Variants in RANBP10 observed in about 807,000 individuals in gnomAD.
RANBP10 encodes the protein ran-binding protein 10.
In RANBP10, 24 loss-of-function variants were observed where a neutral mutation model predicts 72.8. That is an observed-to-expected ratio of 0.33 (90% CI 0.24 to 0.46). The LOEUF (loss-of-function observed/expected upper bound fraction) is 0.46. Among genes scored for constraint, RANBP10 ranks in the 20% least tolerant of loss-of-function variants. The pLI is 1.00. For synonymous variants in RANBP10, 310 were observed against 322.3 expected (o/e 0.96, Z 0.41); for missense variants, 679 against 817.5 (o/e 0.83, Z 2.07).
chr16:67,740,203 C>T (rs560983655), intron 4 of RANBP10, among the ~76,000 whole-genome samples: 5 of 151,632 alleles, frequency 3.3e-5, no homozygotes, highest in African/African-American at 7.3e-5. Context: ...CCCGGGTTCA[C>T]GCCATTCTCC....
At chr16:67,748,391 C>T (rs2054129140) in intron 3 of RANBP10, among the ~76,000 whole-genome samples, 2 of 151,408 alleles carry the variant, frequency 1.3e-5, no homozygotes, top group African/African-American at 2.4e-5. Flanking sequence ...GGCGTGGTGG[C>T]GGGCGCCTGT....
intron 3 of RANBP10, among the ~76,000 whole-genome samples, chr16:67,768,064 C>CAA (rs555191487): frequency 1.1e-4 from 10 of 89,678 alleles, no homozygotes; most frequent in African/African-American, 2.3e-4. Context: ...GACCTTGTCT[C>CAA]AAAAAAAAAA....
chr16:67,806,416 G>A lies in RANBP10; in HGVS notation c.121C>T (p.Arg41Cys). The A allele has an allele frequency of 6.2e-7, 1 of 1,602,480 alleles. No individual in the cohort carries two copies. Among genetic ancestry groups the A allele is most frequent in the Non-Finnish European group, 8.5e-7 (1 of 1,175,250 alleles). Residue 41 changes from arginine (R) to cysteine (C), a missense_variant, in exon 1 of 14, where the codon CGC (arginine) becomes TGC (cysteine). By Grantham distance (180) the Arg-to-Cys change is radical. Coordinates refer to ENST00000317506, the MANE Select transcript of RANBP10 (RefSeq NM_020850.3). ...TGCTGGTTGACCGCGGGATACAGGC[G>A]CTGCAAGCGCCGGCTCAGCTCCTGC... ...GEQELSRRLQ[R>C]LYPAVNQQET...
At chr16:67,771,662 C>T (rs894024138) in intron 3 of RANBP10, among the ~76,000 whole-genome samples, 1 of 152,136 alleles carries the variant, frequency 6.6e-6, no homozygotes, top group Admixed American at 6.6e-5. Context: ...ATCTTTAACA[C>T]GATGAAGTAA....
intron 2 of RANBP10, among the ~76,000 whole-genome samples, chr16:67,802,521 C>T (rs1161632910): frequency 5.9e-5 from 9 of 152,224 alleles, no homozygotes; most frequent in Non-Finnish European, 1.0e-4. Context: ...GCCTGTAATC[C>T]CAGCTACTCG....
At chr16:67,737,954 G>A (rs2053887514) in intron 5 of RANBP10, 59 bp downstream of exon 5, 7 of 1,534,738 alleles carry the variant, frequency 4.6e-6, no homozygotes, top group Non-Finnish European at 6.2e-6. Context: ...GTACCACCGT[G>A]CCCCATCCCA....
At chr16:67,728,055 T>C (rs2053644512) in intron 11 of RANBP10, among the ~76,000 whole-genome samples, 159 bp from the exon 12 acceptor site, 1 of 152,214 alleles carries the variant, frequency 6.6e-6, no homozygotes, top group Non-Finnish European at 1.5e-5. Context: ...GGCGTTCTTC[T>C]CTTCATTCAC....
chr16:67,727,353 CA>C lies in RANBP10; in HGVS notation c.1705del (p.Cys569ValfsTer9). ...QLDPIQREPV[C>X]AALNSAILES... is the part of the protein sequence containing the mutation. ...TAAAATGGCGCTGTTGAGGGCAGCACACACAGGTTCCCTCTGGATGGGGTCA... is the reference window on the plus strand; with the variant it reads ...TAAAATGGCGCTGTTGAGGGCAGCACCACAGGTTCCCTCTGGATGGGGTCA... On this transcript the variant is annotated frameshift_variant, in exon 13 of 14. Transcript: ENST00000317506. LOFTEE classifies it high-confidence loss of function. 1 of 1,613,394 alleles carries C rather than the reference CA, an allele frequency of 6.2e-7. No homozygotes were observed. The highest frequency in any genetic ancestry group is 8.5e-7 in the Non-Finnish European group (1 of 1,179,812).
intron 2 of RANBP10, among the ~76,000 whole-genome samples, chr16:67,785,470 A>G (rs1195219653): frequency 6.6e-6 from 1 of 151,780 alleles, no homozygotes; most frequent in Admixed American, 6.6e-5. Flanking sequence ...GCTCATGCCT[A>G]TAATCCCAGC....
At chr16:67,758,115 CAGA>C (rs766346638) in intron 3 of RANBP10, among the ~76,000 whole-genome samples, 2 of 152,224 alleles carry the variant, frequency 1.3e-5, no homozygotes, top group Non-Finnish European at 2.9e-5. Context: ...CCTCCCCACT[CAGA>C]AGAAGTAGAT....
At chr16:67,789,111 A>G (rs1340009737) in intron 2 of RANBP10, among the ~76,000 whole-genome samples, 1 of 151,146 alleles carries the variant, frequency 6.6e-6, no homozygotes, top group Non-Finnish European at 1.5e-5. Flanking sequence ...AGAATTCAAG[A>G]CCAGCCTGGC....
intron 3 of RANBP10, among the ~76,000 whole-genome samples, chr16:67,755,683 CAAAAA>C (rs58929828): frequency 3.7e-5 from 2 of 54,372 alleles, no homozygotes; most frequent in Non-Finnish European, 3.8e-5. Context: ...GACTCTGCCT[CAAAAA>C]AAAAAAAAAA....
chr16:67,732,471 G>C (rs964525329), intron 6 of RANBP10, among the ~76,000 whole-genome samples: 2 of 152,094 alleles, frequency 1.3e-5, no homozygotes, highest in African/African-American at 2.4e-5. Context: ...ATGTCTGAAG[G>C]GTTGTCAGGT....
rs2055292469 is a variant in RANBP10 at position 67,804,310 on chromosome 16, T to C, written c.347+1118A>G. 2.6e-5 allele frequency among the ~76,000 whole-genome samples: 4 copies of C among 152,096 alleles called. No homozygotes were observed. In the South Asian group the frequency reaches 8.3e-4, roughly 32 times the overall value. ...CAATCACTGGGAAAAAAAGGGAGAC[T>C]GGGAGAAAGAAAAAAAATTAAGTAT... On this transcript the variant is annotated intron_variant, in intron 2 of 13. Transcript: ENST00000317506.
chr16:67,804,503 G>A (rs2055296929), intron 2 of RANBP10, among the ~76,000 whole-genome samples: 1 of 151,930 alleles, frequency 6.6e-6, no homozygotes, highest in Non-Finnish European at 1.5e-5. Context: ...CCATGTTCAA[G>A]TGATTTTCAT....
chr16:67,780,703 G>A (rs2054794962), intron 2 of RANBP10, among the ~76,000 whole-genome samples: 1 of 152,372 alleles, frequency 6.6e-6, no homozygotes, highest in East Asian at 1.9e-4. Flanking sequence ...TGGGACAGGA[G>A]CAGTGGGATG....
chr16:67,728,534 G>A, intron 10 of RANBP10, 23 bp from the exon 11 acceptor site: 1 of 1,613,948 alleles, frequency 6.2e-7, no homozygotes, highest in South Asian at 1.1e-5. Flanking sequence ...GTTGAGGTGG[G>A]AGTTGGCCCA....
intron 3 of RANBP10, among the ~76,000 whole-genome samples, chr16:67,747,817 CTTTTTTTT>C (rs1160482023): frequency 8.2e-6 from 1 of 121,326 alleles, no homozygotes; most frequent in African/African-American, 3.0e-5. Flanking sequence ...ATTTTCTTTT[CTTTTTTTT>C]TTTTTTTTTT....
At chr16:67,769,680 A>C (rs1462406796) in intron 3 of RANBP10, among the ~76,000 whole-genome samples, 1 of 136,980 alleles carries the variant, frequency 7.3e-6, no homozygotes, top group Non-Finnish European at 1.5e-5. Flanking sequence ...CAGGAGGCAG[A>C]GCTTGCAGTG....
Sources: allele counts gnomAD v4.1 joint callset (sites outside exome capture counted in the v4.1 genomes callset), GRCh38; gene constraint gnomAD v4.1.1; transcripts MANE v1.5; gene names NCBI Gene and HGNC (gene_info 2026-07-23, HGNC 2026-07-21).